Variants in GABBR2 observed in about 807,000 individuals in gnomAD.
GABBR2 encodes gamma-aminobutyric acid type B receptor subunit 2.
Under a neutral mutation model 105.6 loss-of-function variants are expected in GABBR2, and 23 were observed. That is an observed-to-expected ratio of 0.22 (90% CI 0.16 to 0.31). The LOEUF (loss-of-function observed/expected upper bound fraction) is 0.31. GABBR2 is among the 10% of genes least tolerant of loss of function. GABBR2 has a pLI of 1.00. For missense variants in GABBR2, 734 were observed against 1,245.5 expected, an observed-to-expected ratio of 0.59 and a Z score of 6.18; for synonymous variants, 478 against 499.7, an observed-to-expected ratio of 0.96 and a Z score of 0.58.
chr9:98,301,474 G>A (rs1225388506), intron 16 of GABBR2, among the ~76,000 whole-genome samples: 2 of 152,198 alleles, frequency 1.3e-5, no homozygotes, highest in Admixed American at 1.3e-4. Context: ...GTAGTATAAG[G>A]GAGGAGACCT....
chr9:98,307,057 A>G (rs1830563168), intron 14 of GABBR2, among the ~76,000 whole-genome samples: 1 of 152,168 alleles, frequency 6.6e-6, no homozygotes, highest in Admixed American at 6.5e-5. Context: ...ATGACGTGGA[A>G]CCTGTGTAAT....
At chr9:98,525,452 G>A (rs936849676) in intron 3 of GABBR2, among the ~76,000 whole-genome samples, 3 of 152,166 alleles carry the variant, frequency 2.0e-5, no homozygotes, top group African/African-American at 7.2e-5. Flanking sequence ...AAACCACAAT[G>A]AGACACCATG....
At chr9:98,542,958 T>TA (rs1323087909) in intron 2 of GABBR2, among the ~76,000 whole-genome samples, 2 of 144,150 alleles carry the variant, frequency 1.4e-5, no homozygotes, top group East Asian at 5.2e-4. Context: ...TTAATGAAGA[T>TA]ATTTTATATA....
intron 7 of GABBR2, among the ~76,000 whole-genome samples, chr9:98,448,660 C>T (rs1222052648): frequency 6.6e-6 from 1 of 152,140 alleles, no homozygotes; most frequent in African/African-American, 2.4e-5. Context: ...TCAAGCGATC[C>T]ACCCACCTCA....
chr9:98,616,396 A>G (rs1829583031), intron 1 of GABBR2, among the ~76,000 whole-genome samples: 1 of 152,196 alleles, frequency 6.6e-6, no homozygotes, highest in African/African-American at 2.4e-5. Flanking sequence ...AAAGTACACA[A>G]CACAAGTGCA....
At chr9:98,340,976 C>G (rs977918883) in intron 13 of GABBR2, among the ~76,000 whole-genome samples, 2 of 152,242 alleles carry the variant, frequency 1.3e-5, no homozygotes, top group Non-Finnish European at 2.9e-5. Flanking sequence ...GAATTTCTAG[C>G]AAACAGCTCA....
At chr9:98,649,085 C>T (rs904471474) in intron 1 of GABBR2, among the ~76,000 whole-genome samples, 13 of 152,120 alleles carry the variant, frequency 8.5e-5, no homozygotes, top group Non-Finnish European at 1.9e-4. Context: ...ATGGATGTCT[C>T]CAAATCCAGG....
chr9:98,641,335 A>C lies in GABBR2; in HGVS notation c.322-63263T>G, dbSNP rs1829959640. On this transcript the variant is annotated intron_variant, in intron 1 of 18. Transcript: ENST00000259455. Reference sequence around the variant, plus strand: ...TTTTTTTTAGTAGAGACAGGGTTTCACCATGTTGGTCAGGCTGGTCTCGAA... The same window carrying C: ...TTTTTTTTAGTAGAGACAGGGTTTCCCCATGTTGGTCAGGCTGGTCTCGAA... Among the ~76,000 whole-genome samples the C allele has an allele frequency of 2.1e-5, 3 of 146,192 alleles. No individual in the cohort carries two copies. The South Asian group carries it at 6.5e-4, about 32-fold the overall frequency.
At chr9:98,307,292 C>T (rs757510863) in intron 14 of GABBR2, among the ~76,000 whole-genome samples, 7 of 151,998 alleles carry the variant, frequency 4.6e-5, no homozygotes, top group Admixed American at 2.0e-4. Flanking sequence ...AGCAGGGTGT[C>T]GAGGGTTTAA....
At chr9:98,416,827 C>A (rs1311309646) in intron 7 of GABBR2, among the ~76,000 whole-genome samples, 4 of 152,216 alleles carry the variant, frequency 2.6e-5, no homozygotes, top group African/African-American at 7.2e-5. Flanking sequence ...TTCCTCCTCC[C>A]ATCACCTATT....
chr9:98,482,019 G>A (rs935265535), intron 4 of GABBR2, among the ~76,000 whole-genome samples: 3 of 152,228 alleles, frequency 2.0e-5, no homozygotes, highest in Admixed American at 2.0e-4. Context: ...GAGAACGGGT[G>A]GGGCGGCCAC....
At chr9:98,411,890 T>C (rs1451465861) in intron 7 of GABBR2, among the ~76,000 whole-genome samples, 2 of 152,210 alleles carry the variant, frequency 1.3e-5, no homozygotes, top group Non-Finnish European at 2.9e-5. Context: ...TCCCATCTGA[T>C]GTCAGTTCAG....
intron 1 of GABBR2, among the ~76,000 whole-genome samples, chr9:98,692,907 C>T (rs940030875): frequency 6.6e-5 from 10 of 152,186 alleles, no homozygotes; most frequent in African/African-American, 2.2e-4. Context: ...CTAAATGAGA[C>T]ACCAACTGCC....
At chr9:98,396,777 G>T (rs1379537263) in intron 8 of GABBR2, among the ~76,000 whole-genome samples, 1 of 152,128 alleles carries the variant, frequency 6.6e-6, no homozygotes, top group East Asian at 1.9e-4. Flanking sequence ...GAATGGTGTG[G>T]CTGGCACCCC....
chr9:98,388,787 C>T lies in GABBR2; in HGVS notation c.1529+67G>A. 1 of 1,356,972 alleles carries T rather than the reference C, an allele frequency of 7.4e-7. No individual in the cohort carries two copies. The allele number at this position is 1,356,972 out of a possible 1,614,324, so 84.1% of individuals were successfully genotyped here. On this transcript the variant is annotated intron_variant, in intron 10 of 18. Transcript: ENST00000259455. This position sits in a 1 kb window ranked among gnomAD's most constrained non-coding sequence, Gnocchi z 4.4. Reference sequence around the variant, plus strand: ...CTGGGGAATCTGTCATGTGGCACTCCTATACTGTGTCCATAGGCTTGTCAA... The same window carrying T: ...CTGGGGAATCTGTCATGTGGCACTCTTATACTGTGTCCATAGGCTTGTCAA...
At position 98,418,556 on chromosome 9, in the gene GABBR2, A is replaced by C. The variant is rs528653963; in HGVS notation, c.1237-12415T>G. Among the ~76,000 whole-genome samples, 167 of 152,112 alleles carry C rather than the reference A, an allele frequency of 1.1e-3. 4 individuals carry two copies. Among genetic ancestry groups the C allele is most frequent in the Middle Eastern group, 3.4e-3 (1 of 294 alleles). On this transcript the variant is annotated intron_variant, in intron 7 of 18. Coordinates refer to ENST00000259455, the MANE Select transcript of GABBR2 (RefSeq NM_005458.8). ...TCTCAAACAACAACAACAACAACAA[A>C]AAAACCCAAAAATCCAAAAAACAAA... is the stretch of plus-strand genomic sequence containing the variant.
At chr9:98,555,191 C>A (rs939386041) in intron 2 of GABBR2, among the ~76,000 whole-genome samples, 1 of 152,170 alleles carries the variant, frequency 6.6e-6, no homozygotes, top group Non-Finnish European at 1.5e-5. Context: ...TCACACAGGG[C>A]CTTTTAATTT....
intron 2 of GABBR2, among the ~76,000 whole-genome samples, chr9:98,573,443 C>T (rs990471772): frequency 7.2e-5 from 11 of 152,068 alleles, no homozygotes; most frequent in South Asian, 6.2e-4. Context: ...CCACCACACC[C>T]GGCTAAATTT....
chr9:98,306,378 C>A lies in GABBR2; in HGVS notation c.2005-33G>T. On this transcript the variant is annotated intron_variant, in intron 14 of 18. Coordinates refer to ENST00000259455, the MANE Select transcript of GABBR2 (RefSeq NM_005458.8). This position sits in a 1 kb window ranked among gnomAD's most constrained non-coding sequence, Gnocchi z 5.4. ...GGTGAACAGAAAGGGGAGAGATGAT[C>A]GTTACCAAGGGGTGGCACACACAGG... 2 of 1,448,328 alleles carry A rather than the reference C, an allele frequency of 1.4e-6. No homozygotes were observed. Among genetic ancestry groups the A allele is most frequent in the South Asian group, 2.3e-5 (2 of 86,432 alleles). 89.7% of individuals were successfully genotyped at this position (1,448,328 alleles called of 1,614,324 possible).
Sources: allele counts gnomAD v4.1 joint callset (sites outside exome capture counted in the v4.1 genomes callset), GRCh38; gene constraint gnomAD v4.1.1; non-coding constraint Gnocchi (gnomAD v3.1); transcripts MANE v1.5; gene names NCBI Gene and HGNC (gene_info 2026-07-23, HGNC 2026-07-21).